Variants in SLC24A3 observed in about 807,000 individuals in gnomAD.
SLC24A3 encodes solute carrier family 24 member 3, also known as sodium/potassium/calcium exchanger 3.
In SLC24A3, 28 loss-of-function variants were observed where a neutral mutation model predicts 75.8. The observed-to-expected ratio is 0.37, with a 90% CI of 0.27 to 0.51. The LOEUF (loss-of-function observed/expected upper bound fraction) is 0.51. Among genes scored for constraint, SLC24A3 ranks in the 20% least tolerant of loss-of-function variants. SLC24A3 has a pLI of 0.94. For missense variants in SLC24A3, 663 were observed against 847.8 expected (o/e 0.78, Z 2.71); for synonymous variants, 372 against 334.1 (o/e 1.11, Z -1.24).
chr20:19,262,856 T>C (rs544425319), intron 1 of SLC24A3, among the ~76,000 whole-genome samples: 3 of 152,058 alleles, frequency 2.0e-5, no homozygotes, highest in African/African-American at 7.2e-5. Flanking sequence ...TGTGAGATTG[T>C]GTGCTGGGCA....
intron 4 of SLC24A3, 136 bp from the exon 5 acceptor site, chr20:19,584,835 C>T (rs2031271737): frequency 2.9e-6 from 2 of 683,762 alleles, no homozygotes; most frequent in Non-Finnish European, 4.9e-6. Context: ...AAGTACCAGC[C>T]CCAGGTCCCA....
intron 2 of SLC24A3, among the ~76,000 whole-genome samples, chr20:19,498,544 C>A (rs1196953589): frequency 6.6e-6 from 1 of 152,160 alleles, no homozygotes; most frequent in Non-Finnish European, 1.5e-5. Flanking sequence ...CAGCCTCACT[C>A]ACTGTGCTGG....
chr20:19,671,799 G>T (rs764736780), intron 8 of SLC24A3, among the ~76,000 whole-genome samples: 4 of 152,080 alleles, frequency 2.6e-5, no homozygotes, highest in South Asian at 4.2e-4. Flanking sequence ...TAAATTGGGG[G>T]TCATTATCAT....
chr20:19,242,020 C>T (rs1353594696), intron 1 of SLC24A3, among the ~76,000 whole-genome samples: 1 of 152,176 alleles, frequency 6.6e-6, no homozygotes, highest in East Asian at 1.9e-4. Flanking sequence ...AGGACTGGTG[C>T]TTTGGAAAAA....
intron 2 of SLC24A3, among the ~76,000 whole-genome samples, chr20:19,462,278 C>CTTTTTT (rs4052747): frequency 6.7e-6 from 1 of 149,950 alleles, no homozygotes; most frequent in Admixed American, 6.6e-5. Flanking sequence ...GGCTTTCTTT[C>CTTTTTT]TTTTTTTTGC....
intron 3 of SLC24A3, among the ~76,000 whole-genome samples, chr20:19,538,242 G>A (rs926757142): frequency 6.6e-6 from 1 of 152,082 alleles, no homozygotes; most frequent in Non-Finnish European, 1.5e-5. Flanking sequence ...ACTGGCTTGT[G>A]TAGAAACATC....
chr20:19,364,826 C>G (rs932911212), intron 2 of SLC24A3, among the ~76,000 whole-genome samples: 1 of 152,136 alleles, frequency 6.6e-6, no homozygotes, highest in African/African-American at 2.4e-5. Flanking sequence ...CCACCCAGAC[C>G]TCAGGTTTTC....
At chr20:19,582,454 A>C (rs1301857804) in intron 4 of SLC24A3, among the ~76,000 whole-genome samples, 1 of 152,238 alleles carries the variant, frequency 6.6e-6, no homozygotes, top group African/African-American at 2.4e-5. Flanking sequence ...CTCAGTCTCA[A>C]ATACTTTAAA....
At chr20:19,638,074 C>G (rs936900125) in intron 6 of SLC24A3, among the ~76,000 whole-genome samples, 1 of 151,830 alleles carries the variant, frequency 6.6e-6, no homozygotes, top group Non-Finnish European at 1.5e-5. Context: ...TCCCCCTCAT[C>G]CCCCACCCCT....
chr20:19,388,061 T>C (rs1041063230), intron 2 of SLC24A3, among the ~76,000 whole-genome samples: 1 of 152,220 alleles, frequency 6.6e-6, no homozygotes, highest in African/African-American at 2.4e-5. Context: ...GAATGGGGTA[T>C]CCATCCCCTC....
chr20:19,305,379 C>T (rs1445192858), intron 2 of SLC24A3, among the ~76,000 whole-genome samples: 1 of 151,950 alleles, frequency 6.6e-6, no homozygotes, highest in African/African-American at 2.4e-5. Context: ...TTGAGGCACC[C>T]GAACCACCAG....
chr20:19,413,930 A>G (rs927643259), intron 2 of SLC24A3, among the ~76,000 whole-genome samples: 3 of 152,230 alleles, frequency 2.0e-5, no homozygotes, highest in African/African-American at 7.2e-5. Context: ...GAGAAAAAAT[A>G]TTAATATTCC....
chr20:19,532,450 G>T (rs114544977), intron 3 of SLC24A3, among the ~76,000 whole-genome samples: 1,749 of 152,312 alleles, frequency 0.011, 44 homozygotes, highest in African/African-American at 0.04. Flanking sequence ...CCACAGTGGG[G>T]CCCCATCTTG....
chr20:19,696,951 G>A (rs1421225182), intron 14 of SLC24A3, 40 bp downstream of exon 14: 6 of 698,592 alleles, frequency 8.6e-6, no homozygotes, highest in Non-Finnish European at 1.5e-5. Context: ...GGGAGGGAGG[G>A]AGGAGGAGAG....
intron 3 of SLC24A3, among the ~76,000 whole-genome samples, chr20:19,546,862 C>T (rs576871599): frequency 2.0e-5 from 3 of 152,288 alleles, no homozygotes; most frequent in Admixed American, 2.0e-4. Context: ...GGAAGCATCC[C>T]CCACGCCTTC....
At chr20:19,703,374 A>G (rs953633083) in intron 15 of SLC24A3, among the ~76,000 whole-genome samples, 9 of 152,166 alleles carry the variant, frequency 5.9e-5, no homozygotes, top group Non-Finnish European at 1.2e-4. Context: ...TGAGTTTAAG[A>G]CCTCATCCAC....
At chr20:19,577,658 C>A (rs900691919) in intron 3 of SLC24A3, among the ~76,000 whole-genome samples, 1 of 152,106 alleles carries the variant, frequency 6.6e-6, no homozygotes, top group Non-Finnish European at 1.5e-5. Flanking sequence ...CTTACAAACT[C>A]TTATATGCAA....
At chr20:19,339,398 A>G (rs960166161) in intron 2 of SLC24A3, among the ~76,000 whole-genome samples, 2 of 152,226 alleles carry the variant, frequency 1.3e-5, no homozygotes, top group Non-Finnish European at 2.9e-5. Context: ...TTCCTAAGCT[A>G]TCACTCAGTC....
intron 3 of SLC24A3, among the ~76,000 whole-genome samples, chr20:19,545,941 C>T (rs2030581295): frequency 6.6e-6 from 1 of 151,830 alleles, no homozygotes; most frequent in African/African-American, 2.4e-5. Flanking sequence ...GGGTGGATCA[C>T]GAGGTCAGGA....
Sources: allele counts gnomAD v4.1 joint callset (sites outside exome capture counted in the v4.1 genomes callset), GRCh38; gene constraint gnomAD v4.1.1; transcripts MANE v1.5; gene names NCBI Gene and HGNC (gene_info 2026-07-23, HGNC 2026-07-21).